PCLO: variants seen among roughly 807,000 people sequenced by gnomAD.
PCLO encodes the protein piccolo presynaptic cytomatrix protein, also known as protein piccolo.
PCLO carries 82 observed loss-of-function variants against 427.5 expected under a neutral mutation model. That is an observed-to-expected ratio of 0.19 (90% CI 0.16 to 0.23). The LOEUF is 0.23. Ranked by LOEUF, PCLO falls within the 10% of genes least tolerant of loss-of-function variation. PCLO has a pLI of 1.00. For missense variants in PCLO, 6,239 were observed against 6,115.9 expected, an observed-to-expected ratio of 1.02 and a Z score of -0.67; for synonymous variants, 2,357 against 2,155.4, an observed-to-expected ratio of 1.09 and a Z score of -2.59.
intron 3 of PCLO, among the ~76,000 whole-genome samples, chr7:83,119,958 G>T (rs1430673201): frequency 2.6e-5 from 4 of 151,812 alleles, no homozygotes; most frequent in African/African-American, 9.7e-5. Flanking sequence ...GATTTAGTGA[G>T]CATGAGGACA....
Position 82,949,493 on chromosome 7 carries a change from A to G in PCLO, c.11095T>C (p.Tyr3699His), listed in dbSNP as rs550715961. The G allele has an allele frequency of 1.2e-6, 2 of 1,605,466 alleles. No homozygotes were observed. Among genetic ancestry groups the G allele is most frequent in the East Asian group, 2.2e-5 (1 of 44,832 alleles). ...ACTCTTACCGTATAGCCCTCGGTATACTGAAAAGGAGCCCTGGAACTTTCG... is the reference window on the plus strand; with the variant it reads ...ACTCTTACCGTATAGCCCTCGGTATGCTGAAAAGGAGCCCTGGAACTTTCG... ...ADESSRAPFQ[Y>H]TEGYTTKGSQ... The change falls in exon 6 of 25, where the codon TAT becomes CAT. Residue 3699 changes from tyrosine (Y) to histidine (H), a missense_variant. By Grantham distance (83) the Tyr-to-His change is moderately conservative. Coordinates refer to ENST00000333891, the MANE Select transcript of PCLO (RefSeq NM_033026.6).
chr7:82,974,594 T>A (rs1425918247), intron 3 of PCLO, among the ~76,000 whole-genome samples: 1 of 152,160 alleles, frequency 6.6e-6, no homozygotes, highest in Non-Finnish European at 1.5e-5. Flanking sequence ...TTTTTTGTGA[T>A]TAATTTTTCT....
chr7:82,841,698 T>C (rs1388141344), intron 13 of PCLO, among the ~76,000 whole-genome samples, 189 bp from the exon 14 acceptor site: 1 of 152,108 alleles, frequency 6.6e-6, no homozygotes, highest in Non-Finnish European at 1.5e-5. Flanking sequence ...ATTTTACAGA[T>C]GCATAAATCT....
At chr7:82,788,342 G>A (rs1025520410) in intron 22 of PCLO, among the ~76,000 whole-genome samples, 1 of 149,742 alleles carries the variant, frequency 6.7e-6, no homozygotes, top group Non-Finnish European at 1.5e-5. Flanking sequence ...ATTAATGAAT[G>A]AAATAAATAT....
intron 3 of PCLO, among the ~76,000 whole-genome samples, chr7:82,968,377 G>C (rs563520900): frequency 6.6e-6 from 1 of 152,114 alleles, no homozygotes; most frequent in Non-Finnish European, 1.5e-5. Flanking sequence ...AATGCTAAAA[G>C]TTCTAGCTCT....
chr7:83,096,972 TTA>T lies in PCLO; in HGVS notation c.3300+37276_3300+37277del, dbSNP rs1562962356. Among the ~76,000 whole-genome samples the T allele has an allele frequency of 6.4e-4, 29 of 45,274 alleles. 6 individuals carry two copies. Among genetic ancestry groups the T allele is most frequent in the Middle Eastern group, 9.4e-3 (1 of 106 alleles). 29.7% of individuals were successfully genotyped at this position (45,274 alleles called of 152,430 possible). A position where few individuals can be genotyped will look rare whatever the true frequency, so the allele number is the denominator to read the frequency against. ...TATATAAATAATATAATATAATATATTATATATTATATAAATAATATATATTA... is the reference window on the plus strand; with the variant it reads ...TATATAAATAATATAATATAATATATTATATTATATAAATAATATATATTA... On this transcript the variant is annotated intron_variant, in intron 3 of 24. Coordinates refer to ENST00000333891, the MANE Select transcript of PCLO (RefSeq NM_033026.6).
intron 3 of PCLO, among the ~76,000 whole-genome samples, chr7:83,122,286 C>CTTTTTTTTTTTTTTTTTTTT (rs71074624): frequency 1.2e-4 from 16 of 128,292 alleles, no homozygotes; most frequent in South Asian, 4.9e-4. Context: ...CTTTTCTTTT[C>CTTTTTTTTTTTTTTTTTTTT]TTTTTTTTTT....
At chr7:83,059,583 G>A (rs993581510) in intron 3 of PCLO, among the ~76,000 whole-genome samples, 3 of 150,740 alleles carry the variant, frequency 2.0e-5, no homozygotes, top group Admixed American at 1.3e-4. Flanking sequence ...ATACAGTCAT[G>A]ACAGAAATTT....
chr7:83,158,810 A>G (rs4455773), intron 1 of PCLO, among the ~76,000 whole-genome samples: 36,895 of 151,874 alleles, frequency 0.24, 4,852 homozygotes, highest in Middle Eastern at 0.33. Context: ...CTTATAATTT[A>G]AACTTAGTTA....
chr7:82,775,146 CTTG>C (rs879480501), intron 22 of PCLO, among the ~76,000 whole-genome samples: 5 of 152,094 alleles, frequency 3.3e-5, no homozygotes, highest in Non-Finnish European at 5.9e-5. Flanking sequence ...TACGGAAGGA[CTTG>C]TTGTTTGCTT....
At chr7:83,019,638 T>C (rs969044262) in intron 3 of PCLO, among the ~76,000 whole-genome samples, 3 of 152,066 alleles carry the variant, frequency 2.0e-5, no homozygotes, top group African/African-American at 4.8e-5. Context: ...ATAAATTATA[T>C]GAAGATACAA....
At chr7:82,904,382 C>A (rs1345805208) in intron 8 of PCLO, among the ~76,000 whole-genome samples, 3 of 151,592 alleles carry the variant, frequency 2.0e-5, no homozygotes, top group Non-Finnish European at 4.4e-5. Context: ...TTCTTCTTCC[C>A]CTCTTTTCTT....
chr7:82,894,972 C>G (rs1793865911), intron 9 of PCLO, among the ~76,000 whole-genome samples: 1 of 152,158 alleles, frequency 6.6e-6, no homozygotes, highest in Middle Eastern at 3.4e-3. Flanking sequence ...ATGTGCAGCA[C>G]AGAGAGAAGT....
chr7:83,143,838 T>C (rs1791928140), intron 2 of PCLO, among the ~76,000 whole-genome samples: 1 of 152,206 alleles, frequency 6.6e-6, no homozygotes, highest in South Asian at 2.1e-4. Flanking sequence ...TTCAAACTTT[T>C]ACACCTCAGT....
chr7:82,880,146 T>C (rs1793469703), intron 9 of PCLO, among the ~76,000 whole-genome samples: 1 of 152,154 alleles, frequency 6.6e-6, no homozygotes, highest in African/African-American at 2.4e-5. Flanking sequence ...GTTTATATTT[T>C]TAGTTTCTGT....
chr7:82,833,913 T>C (rs1221670042), intron 16 of PCLO, among the ~76,000 whole-genome samples: 1 of 152,116 alleles, frequency 6.6e-6, no homozygotes, highest in Non-Finnish European at 1.5e-5. Context: ...TAGAGAAATC[T>C]TAAAGCTTCT....
intron 3 of PCLO, among the ~76,000 whole-genome samples, chr7:83,055,037 C>T (rs1224744801): frequency 6.6e-6 from 1 of 152,030 alleles, no homozygotes; most frequent in Non-Finnish European, 1.5e-5. Context: ...AATTTCCTCA[C>T]AACAGAAAAT....
At chr7:83,078,519 C>CATTATTATTGTTATTATT in intron 3 of PCLO, among the ~76,000 whole-genome samples, 1 of 150,358 alleles carries the variant, frequency 6.7e-6, no homozygotes, top group East Asian at 2.0e-4. Context: ...ATGTTGCTAG[C>CATTATTATTGTTATTATT]ATTATTATTA....
intron 20 of PCLO, chr7:82,821,459 C>G (rs759389223): frequency 3.0e-6 from 3 of 985,476 alleles, no homozygotes; most frequent in Non-Finnish European, 3.6e-6. Context: ...GGGTTTAAAA[C>G]TGGCTGTTTC....
Sources: gnomAD v4.1 joint callset for allele counts (sites outside exome capture counted in the v4.1 genomes callset) on GRCh38, gnomAD v4.1.1 for gene constraint, MANE v1.5 for transcripts, NCBI Gene and HGNC (gene_info 2026-07-23, HGNC 2026-07-21) for gene names.